Variants in LIPA observed in about 807,000 individuals in gnomAD.
LIPA encodes lysosomal acid lipase/cholesteryl ester hydrolase.
Under a neutral mutation model 40.6 loss-of-function variants are expected in LIPA, and 26 were observed. The ratio of observed to expected loss-of-function variants is 0.64; its 90% CI spans 0.47 to 0.89. The LOEUF (loss-of-function observed/expected upper bound fraction) is 0.89, where lower values mean the gene tolerates loss of function less well. LIPA is among the 40% of genes least tolerant of loss of function. The probability of loss-of-function intolerance (pLI) is 0.00; values close to 1 mark genes in which losing one functional copy is unlikely to be tolerated. For synonymous variants in LIPA, 188 were observed against 168.4 expected, an observed-to-expected ratio of 1.12 and a Z score of -0.90; for missense variants, 455 against 479.6, an observed-to-expected ratio of 0.95 and a Z score of 0.48.
At chr10:89,401,709 T>C (rs1046928944) in intron 2 of LIPA, among the ~76,000 whole-genome samples, 3 of 151,720 alleles carry the variant, frequency 2.0e-5, no homozygotes, top group Non-Finnish European at 4.4e-5. Context: ...TTGGAGAAAG[T>C]GGGTGAAGGA....
chr10:89,287,932 C>A (rs545778486), intron 1 of LIPA, among the ~76,000 whole-genome samples: 2 of 152,168 alleles, frequency 1.3e-5, no homozygotes, highest in Admixed American at 6.5e-5. Context: ...CTCTCCACAA[C>A]CCAGTATTCT....
chr10:89,370,320 G>A (rs1485966468), intron 2 of LIPA, among the ~76,000 whole-genome samples: 1 of 151,794 alleles, frequency 6.6e-6, no homozygotes, highest in Non-Finnish European at 1.5e-5. Flanking sequence ...AAACACCTGG[G>A]CTCAAGCAAT....
At position 89,393,686 on chromosome 10, in the gene LIPA, T is replaced by C. The variant is rs1844291764; in HGVS notation, c.61+19105A>G. Among the ~76,000 whole-genome samples the C allele has an allele frequency of 3.3e-5, 5 of 152,174 alleles. No individual in the cohort carries two copies. The South Asian group carries it at 1.0e-3, about 31-fold the overall frequency. On this transcript the variant is annotated intron_variant, in intron 2 of 8. Transcript: ENST00000371837. ...CGTAAGTTGCAGTGAGCTGAGATTG[T>C]ACCACTGCACTCCAGCCTGGGCAAC...
At position 89,398,083 on chromosome 10, in the gene LIPA, C is replaced by T. The variant is rs146710007; in HGVS notation, c.61+14708G>A. On this transcript the variant is annotated intron_variant, in intron 2 of 8. Transcript: ENST00000371837. ...AAACAATCATTTCCTATTCCCTCCT[C>T]CCCCAGTGTGGAGGATCAGTCAGAG... is the stretch of plus-strand genomic sequence containing the variant. Among the ~76,000 whole-genome samples the T allele has an allele frequency of 6.2e-4, 94 of 152,264 alleles. No homozygotes were observed. In the East Asian group the frequency reaches 0.015, roughly 25 times the overall value.
intron 2 of LIPA, chr10:89,406,543 G>A (rs1844534857): frequency 6.6e-6 from 1 of 152,502 alleles, no homozygotes; most frequent in Admixed American, 6.5e-5. Flanking sequence ...AAGGTCTACG[G>A]CTTCACTCCT....
chr10:89,343,845 T>C (rs980701299), upstream of LIPA, among the ~76,000 whole-genome samples: 4 of 152,228 alleles, frequency 2.6e-5, no homozygotes, highest in African/African-American at 7.2e-5. Context: ...ATTTTTATTA[T>C]GATTTGTTTC....
At chr10:89,356,259 C>T (rs1166823704) in intron 2 of LIPA, among the ~76,000 whole-genome samples, 2 of 152,028 alleles carry the variant, frequency 1.3e-5, no homozygotes, top group Non-Finnish European at 2.9e-5. Context: ...CATGTTTTTG[C>T]TTGGGATGCT....
intron 1 of LIPA, among the ~76,000 whole-genome samples, chr10:89,336,015 C>G (rs1305148199): frequency 2.0e-5 from 3 of 152,100 alleles, no homozygotes; most frequent in Non-Finnish European, 2.9e-5. Context: ...GTGGTTCACA[C>G]CTGTAATCCC....
chr10:89,338,519 C>A, intron 1 of LIPA: 2 of 762,966 alleles, frequency 2.6e-6, no homozygotes, highest in East Asian at 2.6e-5. Flanking sequence ...CAGAAACAAC[C>A]TCACATACAT....
chr10:89,234,186 T>C (rs375388695), intron 3 of LIPA, among the ~76,000 whole-genome samples: 78 of 152,368 alleles, frequency 5.1e-4, no homozygotes, highest in African/African-American at 1.7e-3. Context: ...GAGCTGACAC[T>C]GCACCCAGGC....
At chr10:89,265,331 A>G (rs947174164) in intron 1 of LIPA, among the ~76,000 whole-genome samples, 11 of 151,974 alleles carry the variant, frequency 7.2e-5, no homozygotes, top group African/African-American at 2.4e-4. Context: ...TGACCTGCCA[A>G]CTCGGAAGGG....
intron 2 of LIPA, among the ~76,000 whole-genome samples, chr10:89,410,110 T>C (rs1841457577): frequency 1.3e-5 from 2 of 152,292 alleles, no homozygotes; most frequent in African/African-American, 2.4e-5. Flanking sequence ...GAAACTGATA[T>C]AGTAGCAAAA....
chr10:89,412,825 G>A (rs141078709), exon 2 of LIPA: 12 of 401,338 alleles, frequency 3.0e-5, no homozygotes, highest in African/African-American at 6.4e-5. Context: ...TCTGAACATC[G>A]AAAGGAACAA....
At chr10:89,310,634 GATGTACCTAGGTGC>G (rs1843510501) in intron 1 of LIPA, among the ~76,000 whole-genome samples, 1 of 152,204 alleles carries the variant, frequency 6.6e-6, no homozygotes, top group South Asian at 2.1e-4. Flanking sequence ...AAAATCCTTA[GATGTACCTAGGTGC>G]ATGCACTTGT....
At chr10:89,378,011 G>A in intron 2 of LIPA, 1 of 984,618 alleles carries the variant, frequency 1.0e-6, no homozygotes, top group Non-Finnish European at 1.6e-6. Context: ...AAACTGCCTG[G>A]ATATACCTCC....
chr10:89,377,100 A>G (rs1260188063), intron 2 of LIPA, among the ~76,000 whole-genome samples: 1 of 152,246 alleles, frequency 6.6e-6, no homozygotes, highest in Admixed American at 6.5e-5. Flanking sequence ...AGAGGAATTC[A>G]GAATAGCAGC....
intron 2 of LIPA, chr10:89,392,836 G>C (rs303218): frequency 9.9e-7 from 1 of 1,014,326 alleles, no homozygotes. Context: ...CTCGATTTGA[G>C]TATCTGCTTA....
chr10:89,243,980 TG>T (rs1431304936), intron 3 of LIPA, among the ~76,000 whole-genome samples: 1 of 152,216 alleles, frequency 6.6e-6, no homozygotes, highest in African/African-American at 2.4e-5. Flanking sequence ...GGTTATTCTT[TG>T]GGGGAAAAAA....
intron 1 of LIPA, among the ~76,000 whole-genome samples, chr10:89,278,798 T>C (rs1026758590): frequency 6.6e-6 from 1 of 151,696 alleles, no homozygotes; most frequent in African/African-American, 2.4e-5. Flanking sequence ...ATATGTGTTA[T>C]AGTAATATTA....
Sources: gnomAD v4.1 joint callset for allele counts (sites outside exome capture counted in the v4.1 genomes callset) on GRCh38, gnomAD v4.1.1 for gene constraint, MANE v1.5 for transcripts, NCBI Gene and HGNC (gene_info 2026-07-23, HGNC 2026-07-21) for gene names.